The following CLSPN variants were observed in gnomAD, a reference collection of about 807,000 sequenced individuals.
CLSPN encodes the protein claspin homolog.
In CLSPN, 85 loss-of-function variants were observed where a neutral mutation model predicts 156.3. That is an observed-to-expected ratio of 0.54 (90% CI 0.46 to 0.65). The LOEUF (loss-of-function observed/expected upper bound fraction) is 0.65, where lower values mean the gene tolerates loss of function less well. Among genes scored for constraint, CLSPN ranks in the 30% least tolerant of loss-of-function variants. CLSPN has a pLI of 0.00. For missense variants in CLSPN, 1,407 were observed against 1,554.9 expected, an observed-to-expected ratio of 0.90 and a Z score of 1.60; for synonymous variants, 534 against 542.4, an observed-to-expected ratio of 0.98 and a Z score of 0.22.
intron 8 of CLSPN, among the ~76,000 whole-genome samples, chr1:35,754,566 C>T (rs184686487): frequency 3.9e-5 from 6 of 152,196 alleles, no homozygotes; most frequent in Middle Eastern, 3.4e-3. Flanking sequence ...AGGCTGGTCT[C>T]GAACTCCTGA....
chr1:35,761,883 T>C (rs1642490417), intron 6 of CLSPN, 115 bp downstream of exon 6: 2 of 674,608 alleles, frequency 3.0e-6, no homozygotes, highest in African/African-American at 3.6e-5. Context: ...CTAAACTTAA[T>C]ATTATAACCT....
At chr1:35,741,773 G>A (rs1048824291) in intron 18 of CLSPN, among the ~76,000 whole-genome samples, 12 of 151,404 alleles carry the variant, frequency 7.9e-5, no homozygotes, top group Admixed American at 6.6e-4. Context: ...AAGAGATCGA[G>A]ACCATCCTGA....
rs761454840 is a variant in CLSPN at position 35,764,497 on chromosome 1, C to T, written c.351G>A (p.Lys117=). The part of the protein sequence containing the change: ...VADSDESYME[K]SLYQENLEAQ... ...CTTCAAGATTTTCCTGATACAAAGACTTTTCCATGTAACTTTCATCACTGT... is the reference window on the plus strand; with the variant it reads ...CTTCAAGATTTTCCTGATACAAAGATTTTTCCATGTAACTTTCATCACTGT... The change falls in exon 3 of 25, where the codon AAG becomes AAA. Residue 117 remains lysine, a synonymous_variant. Coordinates refer to ENST00000318121, the MANE Select transcript of CLSPN (RefSeq NM_022111.4). The T allele has an allele frequency of 5.6e-6, 9 of 1,613,906 alleles. No homozygotes were observed. Among genetic ancestry groups the T allele is most frequent in the Non-Finnish European group, 7.6e-6 (9 of 1,179,986 alleles).
chr1:35,730,002 T>C (rs905344008), downstream of CLSPN, among the ~76,000 whole-genome samples: 2 of 152,238 alleles, frequency 1.3e-5, no homozygotes, highest in African/African-American at 4.8e-5. Flanking sequence ...TATTCTGTCC[T>C]GCACTAGAAA....
intron 8 of CLSPN, 131 bp from the exon 9 acceptor site, chr1:35,754,067 C>T (rs1018431991): frequency 4.7e-5 from 32 of 688,054 alleles, no homozygotes; most frequent in Middle Eastern, 4.1e-4. Flanking sequence ...AACCAAAAAC[C>T]CCTTGCTACT....
Position 35,735,232 on chromosome 1 carries a change from C to G in CLSPN, c.*1264G>C. On this transcript the variant is annotated 3_prime_UTR_variant, in exon 25 of 25. Coordinates refer to ENST00000318121, the MANE Select transcript of CLSPN (RefSeq NM_022111.4). ...ACTGGGTGTAACACTTTATCTTCAT[C>G]CCCAAGCCCCAGAAAATTAGAGGCA... is the stretch of plus-strand genomic sequence containing the variant. 2.0e-6 allele frequency: 2 copies of G among 985,402 alleles called. No homozygotes were observed. Among genetic ancestry groups the G allele is most frequent in the Non-Finnish European group, 2.4e-6 (2 of 829,924 alleles). 61.0% of individuals were successfully genotyped at this position (985,402 alleles called of 1,614,324 possible). A position where few individuals can be genotyped will look rare whatever the true frequency, so the allele number is the denominator to read the frequency against.
At position 35,739,496 on chromosome 1, in the gene CLSPN, C is replaced by T. The variant is rs1641619017; in HGVS notation, c.3177G>A (p.Glu1059=). The T allele has an allele frequency of 6.2e-7, 1 of 1,613,938 alleles. No homozygotes were observed. The highest frequency in any genetic ancestry group is 1.1e-5 in the South Asian group (1 of 91,032). The stretch of plus-strand genomic sequence containing the variant: ...CGCTTCCCACATCACTTCCTGACAC[C>T]TCTGCCTCATCCTCCAGGTATTTCC... ...RLRKYLEDEA[E]VSGSDVGSED... Residue 1059 remains glutamate, a synonymous_variant, in exon 19 of 25, where the codon GAG becomes GAA. Transcript: ENST00000318121.
chr1:35,753,028 T>G (rs1223199619), intron 9 of CLSPN, among the ~76,000 whole-genome samples: 1 of 152,202 alleles, frequency 6.6e-6, no homozygotes, highest in Non-Finnish European at 1.5e-5. Context: ...AGAGCTGTCC[T>G]TAATACATTT....
Position 35,734,262 on chromosome 1 carries a change from G to A in CLSPN, c.*2234C>T, listed in dbSNP as rs1354031538. On this transcript the variant is annotated 3_prime_UTR_variant, in exon 25 of 25. Coordinates refer to ENST00000318121, the MANE Select transcript of CLSPN (RefSeq NM_022111.4). ...CTGGACAGCAAATCTTCCCTTCAAG[G>A]CATTAAGATTTATTGAAAAACTACA... 1.0e-6 allele frequency: 1 copy of A among 985,188 alleles called. No individual in the cohort carries two copies. The highest frequency in any genetic ancestry group is 1.2e-6 in the Non-Finnish European group (1 of 829,866). 61.0% of individuals were successfully genotyped at this position (985,188 alleles called of 1,614,324 possible). A position where few individuals can be genotyped will look rare whatever the true frequency, so the allele number is the denominator to read the frequency against.
In CLSPN at chr1:35,738,443, G is replaced by A. The variant is rs768667052; in HGVS notation, c.3558+12C>T. The stretch of plus-strand genomic sequence containing the variant: ...GTCTCATAAACTAGGGTCAGAGTAG[G>A]TGAACTCCTACCATGTCCCGAAGCC... On this transcript the variant is annotated intron_variant, in intron 21 of 24. Transcript: ENST00000318121. 2 of 1,613,326 alleles carry A rather than the reference G, an allele frequency of 1.2e-6. No homozygotes were observed. Among genetic ancestry groups the A allele is most frequent in the Admixed American group, 1.7e-5 (1 of 59,968 alleles).
At position 35,763,108 on chromosome 1, in the gene CLSPN, G is replaced by C. The variant is rs183564186; in HGVS notation, c.744+52C>G. 2,151 of 1,347,740 alleles carry C rather than the reference G, an allele frequency of 1.6e-3. 27 individuals carry two copies. The African/African-American group carries it at 0.022, about 14-fold the overall frequency. The allele number at this position is 1,347,740 out of a possible 1,614,324, so 83.5% of individuals were successfully genotyped here. ...GTTCCAACAGTAAATTAAAAATATA[G>C]CAAAGGTCAGAAGCAGTTGATTAAC... On this transcript the variant is annotated intron_variant, in intron 4 of 24. Coordinates refer to ENST00000318121, the MANE Select transcript of CLSPN (RefSeq NM_022111.4).
At chr1:35,767,123 T>C (rs1642705587) in intron 1 of CLSPN, among the ~76,000 whole-genome samples, 1 of 152,140 alleles carries the variant, frequency 6.6e-6, no homozygotes, top group African/African-American at 2.4e-5. Context: ...TATGCATATA[T>C]ACACATATAT....
chr1:35,764,747 T>C (rs1642613032), intron 2 of CLSPN, 33 bp from the exon 3 acceptor site: 6 of 1,388,448 alleles, frequency 4.3e-6, no homozygotes, highest in South Asian at 1.4e-5. Context: ...AATTATACCA[T>C]CATTTGATCT....
intron 3 of CLSPN, 38 bp from the exon 4 acceptor site, chr1:35,763,359 T>G (rs1207060346): frequency 6.8e-7 from 1 of 1,471,098 alleles, no homozygotes; most frequent in South Asian, 1.3e-5. Flanking sequence ...ATCCAATCAT[T>G]TAAAAATCCA....
rs1472620058 is a variant in CLSPN, at chr1:35,733,027, T to C, written c.*3469A>G. 3.5e-6 allele frequency: 3 copies of C among 863,020 alleles called. No individual in the cohort carries two copies. Among genetic ancestry groups the C allele is most frequent in the Non-Finnish European group, 4.2e-6 (3 of 718,554 alleles). 53.5% of individuals were successfully genotyped at this position (863,020 alleles called of 1,614,324 possible). A position where few individuals can be genotyped will look rare whatever the true frequency, so the allele number is the denominator to read the frequency against. ...TCGCCCATGCTGGAGAGCAGTGGCG[T>C]GATCTCGGCTCACTGCAACCTCTGC... On this transcript the variant is annotated 3_prime_UTR_variant, in exon 25 of 25. Coordinates refer to ENST00000318121, the MANE Select transcript of CLSPN (RefSeq NM_022111.4).
At position 35,736,454 on chromosome 1, in the gene CLSPN, C is replaced by A; in HGVS notation, c.*42G>T. ...TTCCAACTTTCAGTGCTAGAAACTT[C>A]TCAAAGCAGTCTCAATGTAGATTTT... On this transcript the variant is annotated 3_prime_UTR_variant, in exon 25 of 25. Coordinates refer to ENST00000318121, the MANE Select transcript of CLSPN (RefSeq NM_022111.4). The A allele has an allele frequency of 6.5e-7, 1 of 1,535,738 alleles. No individual in the cohort carries two copies. The highest frequency in any genetic ancestry group is 8.8e-7 in the Non-Finnish European group (1 of 1,142,354).
At chr1:35,722,434 G>C (rs1411922339) in intron 24 of CLSPN, among the ~76,000 whole-genome samples, 1 of 151,760 alleles carries the variant, frequency 6.6e-6, no homozygotes, top group Non-Finnish European at 1.5e-5. Context: ...ATTTTTAGTA[G>C]AGGCAGGATT....
At position 35,748,430 on chromosome 1, in the gene CLSPN, G is replaced by A; in HGVS notation, c.2447C>T (p.Ala816Val). Residue 816 changes from alanine (A) to valine (V), a missense_variant, in exon 13 of 25, where the codon GCC becomes GTC. Ala to Val is a moderately conservative substitution (Grantham distance 64). This residue lies in a region of CLSPN where 1,096 missense variants were observed against 1,193.0 expected (regional missense o/e 0.92). Transcript: ENST00000318121. ...FRSPSPGLFR[A>V]SLVSSASKSS... is the part of the protein sequence containing the mutation. ...CTTAGAAGCTGAGCTGACCAAACTG[G>A]CTCGAAATAGCCCAGGGGAAGGAGA... 17 of 1,613,968 alleles carry A rather than the reference G, an allele frequency of 1.1e-5. No homozygotes were observed. The highest frequency in any genetic ancestry group is 1.4e-5 in the Non-Finnish European group (17 of 1,179,930).
chr1:35,752,583 A>G (rs914992677), intron 9 of CLSPN, among the ~76,000 whole-genome samples: 10 of 4,380 alleles, frequency 2.3e-3, no homozygotes, highest in Non-Finnish European at 0.01. Context: ...GTCTTAGAGG[A>G]AAAAAAAAAA....
Sources: allele counts gnomAD v4.1 joint callset (sites outside exome capture counted in the v4.1 genomes callset), GRCh38; gene constraint gnomAD v4.1.1; regional missense constraint gnomAD v4.1.1; transcripts MANE v1.5; gene names NCBI Gene and HGNC (gene_info 2026-07-23, HGNC 2026-07-21).